Variants in AK8 observed in about 807,000 individuals in gnomAD.
The protein encoded by AK8 is adenylate kinase 8, also known as ATP-AMP transphosphorylase 8.
Under a neutral mutation model 54.6 loss-of-function variants are expected in AK8, and 44 were observed. That is an observed-to-expected ratio of 0.81 (90% CI 0.63 to 1.04). AK8 has a LOEUF of 1.04. Among genes scored for constraint, AK8 ranks in the 50% least tolerant of loss-of-function variants. AK8 has a pLI of 0.00. For synonymous variants in AK8, 239 were observed against 245.6 expected, an observed-to-expected ratio of 0.97 and a Z score of 0.25; for missense variants, 555 against 613.6, an observed-to-expected ratio of 0.90 and a Z score of 1.01.
chr9:132,826,948 C>A lies in AK8; in HGVS notation c.663G>T (p.Glu221Asp). 1 of 1,614,256 alleles carries A rather than the reference C, an allele frequency of 6.2e-7. No individual in the cohort carries two copies. Among genetic ancestry groups the A allele is most frequent in the South Asian group, 1.1e-5 (1 of 91,088 alleles). ...TGACCCTGACGATGTTCCTATGATA[C>A]TCCAGCAGTTTCTGAGCCGTCTCCA... ...SELETAQKLLEYHRNIVRVIP... is the reference protein window; with the variant it reads ...SELETAQKLLDYHRNIVRVIP... The change falls in exon 8 of 13, where the codon GAG becomes GAT. Residue 221 changes from glutamate (E) to aspartate (D), a missense_variant. Coordinates refer to ENST00000298545, the MANE Select transcript of AK8 (RefSeq NM_152572.3). This position sits in a 1 kb window ranked among gnomAD's most constrained non-coding sequence, Gnocchi z 4.5.
At chr9:132,800,528 C>T (rs546169442) in intron 10 of AK8, among the ~76,000 whole-genome samples, 68 of 152,274 alleles carry the variant, frequency 4.5e-4, no homozygotes, top group African/African-American at 1.6e-3. Flanking sequence ...CAGACAAACC[C>T]CCATCTGGCC....
intron 11 of AK8, among the ~76,000 whole-genome samples, chr9:132,739,830 A>G (rs375394631): frequency 2.0e-5 from 3 of 152,274 alleles, no homozygotes; most frequent in African/African-American, 4.8e-5. Context: ...CCTGCCTTCT[A>G]TAAACTAGGT....
chr9:132,870,816 A>G (rs1843793191), intron 2 of AK8, among the ~76,000 whole-genome samples: 1 of 152,244 alleles, frequency 6.6e-6, no homozygotes, highest in Admixed American at 6.5e-5. Flanking sequence ...GGAAGGGGGC[A>G]CAATGATCTG....
At position 132,747,881 on chromosome 9, in the gene AK8, C is replaced by T. The variant is rs764541805; in HGVS notation, c.1122-20347G>A. ...CTGTAATCCCAGCACTTTGGGAGGC[C>T]GAGGCAGGGGAGTTCGAGACCAGCC... On this transcript the variant is annotated intron_variant, in intron 11 of 12. Transcript: ENST00000298545. Among the ~76,000 whole-genome samples, 39 of 150,372 alleles carry T rather than the reference C, an allele frequency of 2.6e-4. 1 individual carries two copies. Among genetic ancestry groups the T allele is most frequent in the Non-Finnish European group, 4.7e-4 (32 of 67,396 alleles).
chr9:132,869,811 G>C (rs889879702), intron 2 of AK8, among the ~76,000 whole-genome samples: 1 of 152,196 alleles, frequency 6.6e-6, no homozygotes, highest in Admixed American at 6.5e-5. Context: ...GTGGGGAGGA[G>C]TGGCAGGGAG....
intron 7 of AK8, chr9:132,827,427 A>G (rs1841918187): frequency 3.7e-6 from 1 of 268,848 alleles, no homozygotes; most frequent in East Asian, 8.6e-5. Flanking sequence ...AGTCTCAGGT[A>G]TCCCATGTCT....
At position 132,826,610 on chromosome 9, in the gene AK8, C is replaced by G. The variant is rs556022140; in HGVS notation, c.757+244G>C. On this transcript the variant is annotated intron_variant, in intron 8 of 12. Coordinates refer to ENST00000298545, the MANE Select transcript of AK8 (RefSeq NM_152572.3). This position sits in a 1 kb window ranked among gnomAD's most constrained non-coding sequence, Gnocchi z 4.5. ...CCACGACCACCAAATCTGCTGTGGG[C>G]CAGAGATGTGACCACATCTGAGTGT... Among the ~76,000 whole-genome samples, 14 of 152,272 alleles carry G rather than the reference C, an allele frequency of 9.2e-5. No homozygotes were observed. Among genetic ancestry groups the G allele is most frequent in the Admixed American group, 9.1e-4 (14 of 15,308 alleles).
intron 11 of AK8, among the ~76,000 whole-genome samples, chr9:132,782,427 C>T (rs1426024062): frequency 1.3e-5 from 2 of 152,202 alleles, no homozygotes. Context: ...CAGTGGCTCA[C>T]GCCTGTAATC....
At chr9:132,852,609 CAAA>C (rs35481626) in intron 5 of AK8, among the ~76,000 whole-genome samples, 3 of 128,774 alleles carry the variant, frequency 2.3e-5, no homozygotes, top group Non-Finnish European at 1.6e-5. Flanking sequence ...GACTCCATCT[CAAA>C]AAAAAAAAAA....
At chr9:132,782,032 T>C (rs1201575899) in intron 11 of AK8, among the ~76,000 whole-genome samples, 1 of 150,194 alleles carries the variant, frequency 6.7e-6, no homozygotes, top group African/African-American at 2.5e-5. Flanking sequence ...TAAATCAAGA[T>C]TTTTTGTTCC....
intron 5 of AK8, among the ~76,000 whole-genome samples, chr9:132,829,994 A>G (rs1842039393): frequency 1.3e-5 from 2 of 152,224 alleles, no homozygotes; most frequent in African/African-American, 2.4e-5. Context: ...ACATTCTGGT[A>G]TATCTCCTTC....
At chr9:132,869,109 G>A (rs1363032645) in intron 2 of AK8, among the ~76,000 whole-genome samples, 3 of 152,206 alleles carry the variant, frequency 2.0e-5, no homozygotes, top group Non-Finnish European at 2.9e-5. Context: ...GAACCTGGGA[G>A]GTGGAGGTTG....
At chr9:132,786,333 C>G (rs1418334630) in intron 11 of AK8, among the ~76,000 whole-genome samples, 2 of 152,158 alleles carry the variant, frequency 1.3e-5, no homozygotes, top group African/African-American at 2.4e-5. Flanking sequence ...AAAATACAGG[C>G]TCTTTGGGCT....
intron 9 of AK8, among the ~76,000 whole-genome samples, chr9:132,818,424 T>G (rs766834563): frequency 3.5e-4 from 53 of 152,176 alleles, no homozygotes; most frequent in Non-Finnish European, 5.6e-4. Context: ...GTATGTCAAC[T>G]GTAAAGAAGT....
In AK8 at chr9:132,725,815, C is replaced by T. The variant is rs1487711415; in HGVS notation, c.1313G>A (p.Arg438Lys). 2 of 1,607,038 alleles carry T rather than the reference C, an allele frequency of 1.2e-6. No homozygotes were observed. Among genetic ancestry groups the T allele is most frequent in the Admixed American group, 3.4e-5 (2 of 58,820 alleles). Residue 438 changes from arginine (R) to lysine (K), a missense_variant, in exon 13 of 13, where the codon AGG (arginine) becomes AAG (lysine). Transcript: ENST00000298545. ...CAACTGCTCCAAGTCAGCTGAGTTC[C>T]TGTAGAACAGGTCCATTTTCAGCTT... ...QVKLKMDLFY[R>K]NSADLEQLYG...
intron 11 of AK8, among the ~76,000 whole-genome samples, chr9:132,739,011 T>C (rs1213636123): frequency 1.3e-5 from 2 of 151,816 alleles, no homozygotes; most frequent in Non-Finnish European, 2.9e-5. Context: ...AACCTCAGCC[T>C]CCCAAAGTGC....
intron 11 of AK8, among the ~76,000 whole-genome samples, chr9:132,786,880 A>G (rs1484861407): frequency 1.3e-5 from 2 of 152,180 alleles, no homozygotes; most frequent in Non-Finnish European, 2.9e-5. Context: ...AAAATCAAAT[A>G]TGTCATTAAC....
chr9:132,873,596 T>C (rs1414964306), intron 2 of AK8, among the ~76,000 whole-genome samples: 1 of 152,244 alleles, frequency 6.6e-6, no homozygotes, highest in Non-Finnish European at 1.5e-5. Flanking sequence ...TCCTTTTGCT[T>C]TGCTTTCCCT....
At chr9:132,777,245 G>A (rs1839261815) in intron 11 of AK8, among the ~76,000 whole-genome samples, 2 of 152,144 alleles carry the variant, frequency 1.3e-5, no homozygotes, top group Non-Finnish European at 2.9e-5. Context: ...CAAAATATTA[G>A]GAATAAATAT....
Sources: gnomAD v4.1 joint callset for allele counts (sites outside exome capture counted in the v4.1 genomes callset) on GRCh38, gnomAD v4.1.1 for gene constraint, Gnocchi (gnomAD v3.1) non-coding constraint, MANE v1.5 for transcripts, NCBI Gene and HGNC (gene_info 2026-07-23, HGNC 2026-07-21) for gene names.